The following SLC13A1 variants were observed in gnomAD, a reference collection of about 807,000 sequenced individuals.
The protein encoded by SLC13A1 is solute carrier family 13 member 1, also known as Na(+)/sulfate cotransporter.
SLC13A1 carries 65 observed loss-of-function variants against 70.0 expected under a neutral mutation model. The ratio of observed to expected loss-of-function variants is 0.93; its 90% confidence interval spans 0.76 to 1.14. The LOEUF is 1.14. SLC13A1 is among the 50% of genes most tolerant of loss of function. The probability of loss-of-function intolerance (pLI) is 0.00; values close to 1 mark genes in which losing one functional copy is unlikely to be tolerated. For missense variants in SLC13A1, 726 were observed against 717.8 expected (o/e 1.01, Z -0.13); for synonymous variants, 275 against 250.5 (o/e 1.10, Z -0.92).
chr7:123,115,681 C>A (rs1793157046), intron 14 of SLC13A1, 26 bp from the exon 15 acceptor site: 1 of 1,610,994 alleles, frequency 6.2e-7, no homozygotes, highest in South Asian at 1.1e-5. Flanking sequence ...GCATAAATGT[C>A]AGTGTCCCAG....
At chr7:123,119,345 C>A in intron 12 of SLC13A1, 103 bp from the exon 13 acceptor site, 1 of 849,418 alleles carries the variant, frequency 1.2e-6, no homozygotes, top group East Asian at 2.8e-5. Context: ...AACTCACTTT[C>A]TAAAATATAA....
chr7:123,188,265 T>G lies in SLC13A1; in HGVS notation c.100-7164A>C, dbSNP rs141900521. On this transcript the variant is annotated intron_variant, in intron 1 of 14. Coordinates refer to ENST00000194130, the MANE Select transcript of SLC13A1 (RefSeq NM_022444.4). Reference sequence around the variant, plus strand: ...GCCTCACTTCCCCTTCCACCATTATTGTAAGTTTCTTGAGGCCTCCCAGTC... The same window carrying G: ...GCCTCACTTCCCCTTCCACCATTATGGTAAGTTTCTTGAGGCCTCCCAGTC... 4.9e-4 allele frequency among the ~76,000 whole-genome samples: 74 copies of G among 152,306 alleles called. No individual in the cohort carries two copies. The East Asian group carries it at 0.013, about 27-fold the overall frequency.
chr7:123,156,053 A>T (rs892337849), intron 6 of SLC13A1, among the ~76,000 whole-genome samples: 5 of 151,440 alleles, frequency 3.3e-5, no homozygotes, highest in Non-Finnish European at 5.9e-5. Flanking sequence ...TTCACAAGCA[A>T]TTTTTTCTTC....
intron 7 of SLC13A1, among the ~76,000 whole-genome samples, chr7:123,139,399 T>C (rs1293657243): frequency 6.6e-6 from 1 of 152,030 alleles, no homozygotes; most frequent in African/African-American, 2.4e-5. Flanking sequence ...GCTATTCTGG[T>C]TCTTTTGTTG....
chr7:123,168,424 T>C lies in SLC13A1; in HGVS notation c.612-2A>G, dbSNP rs769211886. ...ATTTTCCCTGTATCATTATTGTATC[T>C]GAAAAATACATTGATCCAGTTATAA... On this transcript the variant is annotated splice_acceptor_variant, in intron 5 of 14. Transcript: ENST00000194130. LOFTEE classifies it high-confidence loss of function. The C allele has an allele frequency of 1.9e-6, 3 of 1,594,676 alleles. No individual in the cohort carries two copies. The Admixed American group carries it at 5.0e-5, about 27-fold the overall frequency.
At chr7:123,161,874 T>C (rs1794918298) in intron 6 of SLC13A1, among the ~76,000 whole-genome samples, 1 of 152,146 alleles carries the variant, frequency 6.6e-6, no homozygotes, top group Non-Finnish European at 1.5e-5. Flanking sequence ...ATTTTAGAAA[T>C]CATTATGTTC....
intron 2 of SLC13A1, among the ~76,000 whole-genome samples, chr7:123,179,819 A>T (rs1234491255): frequency 6.6e-6 from 1 of 152,086 alleles, no homozygotes; most frequent in Non-Finnish European, 1.5e-5. Flanking sequence ...TGTTAAAAAC[A>T]CACCTGTCTC....
intron 7 of SLC13A1, among the ~76,000 whole-genome samples, chr7:123,142,749 C>T (rs1794202158): frequency 6.6e-6 from 1 of 150,576 alleles, no homozygotes; most frequent in Non-Finnish European, 1.5e-5. Flanking sequence ...TCCTGAGTAG[C>T]TGGGACTACA....
chr7:123,159,018 T>C (rs1419870985), intron 6 of SLC13A1, among the ~76,000 whole-genome samples: 9 of 151,982 alleles, frequency 5.9e-5, no homozygotes, highest in Non-Finnish European at 1.2e-4. Context: ...AATATGAACA[T>C]AACTCTACAG....
At chr7:123,188,809 A>T (rs1337173791) in intron 1 of SLC13A1, among the ~76,000 whole-genome samples, 5 of 152,162 alleles carry the variant, frequency 3.3e-5, no homozygotes. Flanking sequence ...TCATGTTTTT[A>T]CCATATTTTA....
chr7:123,150,902 C>T (rs1302030594), intron 6 of SLC13A1, among the ~76,000 whole-genome samples: 1 of 152,064 alleles, frequency 6.6e-6, no homozygotes, highest in African/African-American at 2.4e-5. Flanking sequence ...TCTCTCCTCA[C>T]TCTAATGTTT....
chr7:123,126,217 C>T (rs1793554409), intron 10 of SLC13A1, among the ~76,000 whole-genome samples: 1 of 152,114 alleles, frequency 6.6e-6, no homozygotes, highest in Non-Finnish European at 1.5e-5. Flanking sequence ...TAAGCTCTAA[C>T]CATATCATAC....
chr7:123,182,957 ACCT>A (rs1473844317), intron 1 of SLC13A1, among the ~76,000 whole-genome samples: 1 of 151,696 alleles, frequency 6.6e-6, no homozygotes, highest in Non-Finnish European at 1.5e-5. Flanking sequence ...TTATCACAAC[ACCT>A]CCTGACATCA....
At chr7:123,191,802 A>C (rs533090165) in intron 1 of SLC13A1, among the ~76,000 whole-genome samples, 1 of 152,026 alleles carries the variant, frequency 6.6e-6, no homozygotes, top group Non-Finnish European at 1.5e-5. Flanking sequence ...CGTGTGGTAG[A>C]GTTGAGATTT....
intron 6 of SLC13A1, among the ~76,000 whole-genome samples, chr7:123,161,269 A>G (rs2116498319): frequency 6.6e-6 from 1 of 151,054 alleles, no homozygotes; most frequent in South Asian, 2.1e-4. Context: ...AAATGAAATA[A>G]AGATTATTTA....
chr7:123,161,029 G>A (rs939098716), intron 6 of SLC13A1, among the ~76,000 whole-genome samples: 3 of 151,698 alleles, frequency 2.0e-5, no homozygotes, highest in South Asian at 4.2e-4. Context: ...CACCAACAAA[G>A]TAGACAGAAC....
At chr7:123,123,055 A>G in intron 12 of SLC13A1, 71 bp downstream of exon 12, 1 of 1,221,018 alleles carries the variant, frequency 8.2e-7, no homozygotes. Context: ...ATGCCCAAAG[A>G]TTGAATGTCT....
At position 123,120,550 on chromosome 7, in the gene SLC13A1, T is replaced by C. The variant is rs200638793; in HGVS notation, c.1351-1308A>G. On this transcript the variant is annotated intron_variant, in intron 12 of 14. Transcript: ENST00000194130. ...CCCCACATGGAAGGGAAAATCCTCC[T>C]TTTGTGAAATTTCAGTGAGCTATTG... is the stretch of plus-strand genomic sequence containing the variant. Among the ~76,000 whole-genome samples the C allele has an allele frequency of 5.9e-5, 9 of 152,122 alleles. 1 individual carries two copies. The East Asian group carries it at 1.7e-3, about 30-fold the overall frequency.
intron 7 of SLC13A1, among the ~76,000 whole-genome samples, chr7:123,140,941 C>T (rs1024296450): frequency 2.0e-5 from 3 of 151,686 alleles, no homozygotes; most frequent in Non-Finnish European, 4.4e-5. Flanking sequence ...CTGATATTTT[C>T]TTCTACTAAC....
Sources: allele counts gnomAD v4.1 joint callset (sites outside exome capture counted in the v4.1 genomes callset), GRCh38; gene constraint gnomAD v4.1.1; transcripts MANE v1.5; gene names NCBI Gene and HGNC (gene_info 2026-07-23, HGNC 2026-07-21).